THSD7A: variants seen among roughly 807,000 people sequenced by gnomAD.
THSD7A encodes the protein thrombospondin type-1 domain-containing protein 7A.
In THSD7A, 96 loss-of-function variants were observed where a neutral mutation model predicts 231.3. The ratio of observed to expected loss-of-function variants is 0.41; its 90% CI spans 0.35 to 0.49. The LOEUF is 0.49. Among genes scored for constraint, THSD7A ranks in the 20% least tolerant of loss-of-function variants. The pLI, the probability that THSD7A is intolerant of heterozygous loss-of-function variation, is 0.05. For synonymous variants in THSD7A, 940 were observed against 743.3 expected (o/e 1.26, Z -4.30); for missense variants, 2,290 against 2,070.2 (o/e 1.11, Z -2.06).
intron 1 of THSD7A, among the ~76,000 whole-genome samples, chr7:11,662,357 G>A (rs1396673118): frequency 6.6e-6 from 1 of 151,306 alleles, no homozygotes; most frequent in African/African-American, 2.4e-5. Context: ...CCAGAAGGAT[G>A]AATCACTTCT....
intron 6 of THSD7A, among the ~76,000 whole-genome samples, chr7:11,496,240 A>G (rs536765328): frequency 6.6e-6 from 1 of 152,282 alleles, no homozygotes; most frequent in South Asian, 2.1e-4. Context: ...TATTATACCC[A>G]TATTACAGAG....
At chr7:11,618,419 T>C (rs919624706) in intron 2 of THSD7A, among the ~76,000 whole-genome samples, 1 of 152,142 alleles carries the variant, frequency 6.6e-6, no homozygotes, top group Non-Finnish European at 1.5e-5. Context: ...AATCAGTATG[T>C]GTAGGTTGAT....
At chr7:11,550,035 T>G (rs1397476493) in intron 4 of THSD7A, among the ~76,000 whole-genome samples, 1 of 152,072 alleles carries the variant, frequency 6.6e-6, no homozygotes, top group African/African-American at 2.4e-5. Context: ...TAGGAAGAGA[T>G]AAGGTAAAAC....
Position 11,597,401 on chromosome 7 carries a change from A to T in THSD7A, c.1023-3899T>A, listed in dbSNP as rs571942742. Among the ~76,000 whole-genome samples, 27 of 152,226 alleles carry T rather than the reference A, an allele frequency of 1.8e-4. 1 individual carries two copies. The East Asian group carries it at 5.2e-3, about 29-fold the overall frequency. ...GTGACCTGAAATACTGCCAGTTTTG[A>T]GTGGGGTCCAGAACAGGAGAAGGCT... On this transcript the variant is annotated intron_variant, in intron 2 of 27. Coordinates refer to ENST00000423059, the MANE Select transcript of THSD7A (RefSeq NM_015204.3).
intron 1 of THSD7A, among the ~76,000 whole-genome samples, chr7:11,640,348 G>T (rs1201238837): frequency 6.6e-6 from 1 of 152,082 alleles, no homozygotes; most frequent in African/African-American, 2.4e-5. Context: ...ATAATTAATT[G>T]TGGATAAAGA....
intron 6 of THSD7A, among the ~76,000 whole-genome samples, chr7:11,500,640 A>G (rs1476461796): frequency 2.0e-5 from 3 of 152,136 alleles, no homozygotes; most frequent in African/African-American, 7.2e-5. Context: ...AGCAAATGGA[A>G]AAAAGAAAAA....
chr7:11,714,269 G>A (rs557006960), intron 1 of THSD7A, among the ~76,000 whole-genome samples: 1 of 151,278 alleles, frequency 6.6e-6, no homozygotes, highest in Non-Finnish European at 1.5e-5. Flanking sequence ...TGAATTATAT[G>A]TATTTTATCA....
At chr7:11,525,208 C>T (rs1041064010) in intron 6 of THSD7A, among the ~76,000 whole-genome samples, 2 of 152,126 alleles carry the variant, frequency 1.3e-5, no homozygotes, top group Non-Finnish European at 2.9e-5. Context: ...TGTCATTTTC[C>T]CCTAACTGCA....
intron 1 of THSD7A, among the ~76,000 whole-genome samples, chr7:11,775,714 T>A (rs1172666474): frequency 4.6e-5 from 7 of 152,166 alleles, no homozygotes; most frequent in African/African-American, 1.7e-4. Flanking sequence ...ATTGTTTAAC[T>A]GGTACAGTTT....
rs1782071997 is a variant in THSD7A at position 11,371,970 on chromosome 7, A to G, written c.*3824T>C. On this transcript the variant is annotated 3_prime_UTR_variant, in exon 28 of 28. Coordinates refer to ENST00000423059, the MANE Select transcript of THSD7A (RefSeq NM_015204.3). ...TAGCTGTCAAGAGTAGAAAGAGACC[A>G]AGCAGAGAAAATCAGAAAGGGCCAA... 6.6e-6 allele frequency: 1 copy of G among 151,812 alleles called. No individual in the cohort carries two copies. Among genetic ancestry groups the G allele is most frequent in the East Asian group, 1.9e-4 (1 of 5,156 alleles). The allele number at this position is 151,812 out of a possible 1,614,324, so 9.4% of individuals were successfully genotyped here.
At chr7:11,597,592 A>G (rs1780409560) in intron 2 of THSD7A, among the ~76,000 whole-genome samples, 1 of 152,188 alleles carries the variant, frequency 6.6e-6, no homozygotes, top group African/African-American at 2.4e-5. Flanking sequence ...ATTTTGGAAC[A>G]AGGCCCTGCC....
intron 1 of THSD7A, among the ~76,000 whole-genome samples, chr7:11,678,644 CA>C (rs1432396248): frequency 6.6e-6 from 1 of 152,024 alleles, no homozygotes; most frequent in Admixed American, 6.6e-5. Context: ...AAGACTAAAC[CA>C]GGAAGAAGTT....
At chr7:11,511,229 A>C (rs910624310) in intron 6 of THSD7A, among the ~76,000 whole-genome samples, 6 of 152,170 alleles carry the variant, frequency 3.9e-5, no homozygotes, top group African/African-American at 1.2e-4. Flanking sequence ...CTTACAAGGG[A>C]TGTGAAGGAC....
chr7:11,780,793 T>A lies in THSD7A; in HGVS notation c.190+50964A>T, dbSNP rs141884840. On this transcript the variant is annotated intron_variant, in intron 1 of 27. Coordinates refer to ENST00000423059, the MANE Select transcript of THSD7A (RefSeq NM_015204.3). ...ATAACCAATACAATGAGAGCTTTAA[T>A]TTTATAGGGAGCAAGGTGAAACCCC... Among the ~76,000 whole-genome samples the A allele has an allele frequency of 9.2e-3, 1,396 of 152,064 alleles. 21 individuals carry two copies. The highest frequency in any genetic ancestry group is 0.032 in the African/African-American group (1,319 of 41,502).
At chr7:11,739,446 T>C (rs558639118) in intron 1 of THSD7A, among the ~76,000 whole-genome samples, 1 of 151,946 alleles carries the variant, frequency 6.6e-6, no homozygotes, top group Non-Finnish European at 1.5e-5. Flanking sequence ...AAAATATGCA[T>C]GTAATATAGG....
chr7:11,803,393 T>G (rs188154034), intron 1 of THSD7A, among the ~76,000 whole-genome samples: 132 of 152,254 alleles, frequency 8.7e-4, no homozygotes, highest in Non-Finnish European at 9.9e-4. Flanking sequence ...GCTTCAAAAT[T>G]TATGCTTATT....
rs571280905 is a variant in THSD7A at position 11,437,452 on chromosome 7, A to G, written c.3065-8327T>C. On this transcript the variant is annotated intron_variant, in intron 13 of 27. Coordinates refer to ENST00000423059, the MANE Select transcript of THSD7A (RefSeq NM_015204.3). Reference sequence around the variant, plus strand: ...TGGCTCTTTAAACTTGCAACTAGTTACCTCAGGAAAAGTCTGTCCCTCATC... The same window carrying G: ...TGGCTCTTTAAACTTGCAACTAGTTGCCTCAGGAAAAGTCTGTCCCTCATC... Among the ~76,000 whole-genome samples, 4 of 152,194 alleles carry G rather than the reference A, an allele frequency of 2.6e-5. No homozygotes were observed. In the East Asian group the frequency reaches 7.8e-4, roughly 29 times the overall value.
At chr7:11,800,817 T>C (rs1159426404) in intron 1 of THSD7A, among the ~76,000 whole-genome samples, 34 of 152,262 alleles carry the variant, frequency 2.2e-4, no homozygotes. Flanking sequence ...TACAACATAG[T>C]ACCTATAGTT....
At chr7:11,748,352 C>G (rs1167824654) in intron 1 of THSD7A, among the ~76,000 whole-genome samples, 1 of 151,928 alleles carries the variant, frequency 6.6e-6, no homozygotes, top group Non-Finnish European at 1.5e-5. Flanking sequence ...CTCAAACTTA[C>G]TCATGAAAAT....
Sources: allele counts gnomAD v4.1 joint callset (sites outside exome capture counted in the v4.1 genomes callset), GRCh38; gene constraint gnomAD v4.1.1; transcripts MANE v1.5; gene names NCBI Gene and HGNC (gene_info 2026-07-23, HGNC 2026-07-21).